Variants in HLCS observed in about 807,000 individuals in gnomAD.
The protein encoded by HLCS is holocarboxylase synthetase.
A neutral mutation model predicts 75.0 loss-of-function variants in HLCS; 53 were observed. The observed-to-expected ratio is 0.71, with a 90% CI of 0.57 to 0.89. HLCS has a LOEUF of 0.89. Ranked by LOEUF, HLCS falls within the 40% of genes least tolerant of loss-of-function variation. The probability of loss-of-function intolerance (pLI) is 0.00; values close to 1 mark genes in which losing one functional copy is unlikely to be tolerated. For missense variants in HLCS, 966 were observed against 1,074.0 expected, an observed-to-expected ratio of 0.90 and a Z score of 1.41; for synonymous variants, 431 against 428.6, an observed-to-expected ratio of 1.01 and a Z score of -0.07.
chr21:36,896,723 AG>A (rs2065024851), intron 6 of HLCS, 136 bp downstream of exon 6: 1 of 942,324 alleles, frequency 1.1e-6, no homozygotes, highest in Non-Finnish European at 1.7e-6. Context: ...TTCTAGGACA[AG>A]AGTACTTCCA....
chr21:36,907,850 C>G (rs1461373493), intron 5 of HLCS, among the ~76,000 whole-genome samples: 1 of 151,934 alleles, frequency 6.6e-6, no homozygotes, highest in African/African-American at 2.4e-5. Context: ...TAGACACTGC[C>G]CAAAAGAAAA....
chr21:36,893,634 A>C (rs2064885042), intron 6 of HLCS, among the ~76,000 whole-genome samples: 1 of 152,274 alleles, frequency 6.6e-6, no homozygotes, highest in Non-Finnish European at 1.5e-5. Context: ...TCTCATAAGG[A>C]GCACGCAATC....
chr21:36,820,275 GC>G (rs2061790749), intron 6 of HLCS, among the ~76,000 whole-genome samples: 2 of 152,366 alleles, frequency 1.3e-5, no homozygotes, highest in East Asian at 3.9e-4. Flanking sequence ...TACAGAGCTG[GC>G]AGGAACTGGG....
chr21:36,922,945 C>T (rs895042570), intron 5 of HLCS, among the ~76,000 whole-genome samples: 7 of 152,222 alleles, frequency 4.6e-5, no homozygotes, highest in African/African-American at 1.7e-4. Flanking sequence ...GAACATTTAT[C>T]AAATGGGATT....
At chr21:36,889,114 G>T (rs1555926395) in intron 6 of HLCS, among the ~76,000 whole-genome samples, 1 of 152,212 alleles carries the variant, frequency 6.6e-6, no homozygotes, top group Non-Finnish European at 1.5e-5. Flanking sequence ...GCATACAGGA[G>T]TTGCTCCAGA....
chr21:36,910,714 T>C (rs966006929), intron 5 of HLCS, among the ~76,000 whole-genome samples: 1 of 152,166 alleles, frequency 6.6e-6, no homozygotes, highest in African/African-American at 2.4e-5. Flanking sequence ...TCTGGGTGTC[T>C]GCGTGTGTGC....
intron 6 of HLCS, among the ~76,000 whole-genome samples, chr21:36,807,866 T>G (rs2061405803): frequency 6.6e-6 from 1 of 152,162 alleles, no homozygotes; most frequent in African/African-American, 2.4e-5. Flanking sequence ...TATAACTGAA[T>G]TGTTATATTA....
At chr21:36,768,383 A>C (rs1412041702) in intron 6 of HLCS, among the ~76,000 whole-genome samples, 2 of 152,228 alleles carry the variant, frequency 1.3e-5, no homozygotes, top group Non-Finnish European at 2.9e-5. Flanking sequence ...GAAGCTTATC[A>C]TCCTCCCCTC....
At chr21:36,983,832 G>A (rs1384215485) in intron 1 of HLCS, among the ~76,000 whole-genome samples, 2 of 148,644 alleles carry the variant, frequency 1.3e-5, no homozygotes, top group African/African-American at 2.5e-5. Context: ...GAGAGACTCC[G>A]TCTCAAAAAA....
At chr21:36,793,249 T>C (rs2060923821) in intron 6 of HLCS, among the ~76,000 whole-genome samples, 1 of 151,126 alleles carries the variant, frequency 6.6e-6, no homozygotes, top group Non-Finnish European at 1.5e-5. Flanking sequence ...TCCACAGGTG[T>C]GTGCCTGTCG....
In HLCS at chr21:36,752,643, T is replaced by G. The variant is rs1395499832; in HGVS notation, c.*1603A>C. 1 of 152,504 alleles carries G rather than the reference T, an allele frequency of 6.6e-6. No homozygotes were observed. The highest frequency in any genetic ancestry group is 1.9e-4 in the East Asian group (1 of 5,202). 9.4% of individuals were successfully genotyped at this position (152,504 alleles called of 1,614,324 possible). On this transcript the variant is annotated 3_prime_UTR_variant, in exon 11 of 11. Transcript: ENST00000674895. ...TTGGAGAAGAGTGGTTTTTTTTGTGTTTTTTGTTTGTTTGTTTTTTGAGAA... is the reference window on the plus strand; with the variant it reads ...TTGGAGAAGAGTGGTTTTTTTTGTGGTTTTTGTTTGTTTGTTTTTTGAGAA...
At chr21:36,792,681 G>T (rs914978785) in intron 6 of HLCS, among the ~76,000 whole-genome samples, 20 of 152,148 alleles carry the variant, frequency 1.3e-4, no homozygotes, top group African/African-American at 4.3e-4. Flanking sequence ...TCACATGGCT[G>T]TCAAGAGGCA....
intron 6 of HLCS, among the ~76,000 whole-genome samples, chr21:36,881,750 G>A (rs1359866796): frequency 6.6e-6 from 1 of 152,236 alleles, no homozygotes; most frequent in Non-Finnish European, 1.5e-5. Context: ...GACACTTCCA[G>A]CTTTGGTGGT....
chr21:36,817,037 C>T (rs2061684630), intron 6 of HLCS, among the ~76,000 whole-genome samples: 1 of 152,118 alleles, frequency 6.6e-6, no homozygotes, highest in Middle Eastern at 3.2e-3. Flanking sequence ...AGCCTGGCTA[C>T]AGTACAGCAG....
At chr21:36,961,432 G>A (rs2068284626) in intron 2 of HLCS, among the ~76,000 whole-genome samples, 1 of 152,102 alleles carries the variant, frequency 6.6e-6, no homozygotes, top group African/African-American at 2.4e-5. Flanking sequence ...GAGGAGGTAG[G>A]ATCCCTGGAG....
chr21:36,947,794 G>C, intron 2 of HLCS: 1 of 985,452 alleles, frequency 1.0e-6, no homozygotes, highest in Non-Finnish European at 1.2e-6. Flanking sequence ...CCCAACAGGG[G>C]GCATTGGCAG....
At chr21:36,796,904 T>A (rs1426807412) in intron 6 of HLCS, among the ~76,000 whole-genome samples, 1 of 152,044 alleles carries the variant, frequency 6.6e-6, no homozygotes, top group African/African-American at 2.4e-5. Flanking sequence ...TCTCACTCTA[T>A]TGCCCAGGCT....
At chr21:36,901,509 G>C (rs1448223232) in intron 5 of HLCS, among the ~76,000 whole-genome samples, 1 of 152,194 alleles carries the variant, frequency 6.6e-6, no homozygotes, top group Admixed American at 6.5e-5. Flanking sequence ...TATTCTTACA[G>C]TTTTGGAGGA....
intron 6 of HLCS, among the ~76,000 whole-genome samples, chr21:36,870,099 CTT>C (rs1022382693): frequency 1.3e-5 from 2 of 152,170 alleles, no homozygotes; most frequent in African/African-American, 4.8e-5. Flanking sequence ...ATTTAAGAGA[CTT>C]CAGAAATTGA....
Sources: allele counts gnomAD v4.1 joint callset (sites outside exome capture counted in the v4.1 genomes callset), GRCh38; gene constraint gnomAD v4.1.1; transcripts MANE v1.5; gene names NCBI Gene and HGNC (gene_info 2026-07-23, HGNC 2026-07-21).